DPYSL3: variants seen among roughly 807,000 people sequenced by gnomAD.
DPYSL3 encodes the protein dihydropyrimidinase-related protein 3.
In DPYSL3, 16 loss-of-function variants were observed where a neutral mutation model predicts 66.1. The ratio of observed to expected loss-of-function variants is 0.24; its 90% CI spans 0.16 to 0.37. The LOEUF (loss-of-function observed/expected upper bound fraction) is 0.37, where lower values mean the gene tolerates loss of function less well. Among genes scored for constraint, DPYSL3 ranks in the 10% least tolerant of loss-of-function variants. The pLI is 1.00. For missense variants in DPYSL3, 738 were observed against 916.2 expected (o/e 0.81, Z 2.51); for synonymous variants, 338 against 345.1 (o/e 0.98, Z 0.23).
At chr5:147,480,811 C>T (rs1452996897) in intron 1 of DPYSL3, among the ~76,000 whole-genome samples, 1 of 151,470 alleles carries the variant, frequency 6.6e-6, no homozygotes, top group African/African-American at 2.4e-5. Flanking sequence ...CAACCTCCAC[C>T]TCCCGGGTTT....
intron 1 of DPYSL3, among the ~76,000 whole-genome samples, chr5:147,474,639 T>C (rs1262150272): frequency 1.3e-5 from 2 of 152,068 alleles, no homozygotes; most frequent in African/African-American, 4.8e-5. Context: ...GGAGATTACA[T>C]AGGGTAATGC....
intron 1 of DPYSL3, among the ~76,000 whole-genome samples, chr5:147,449,780 A>G (rs1488205942): frequency 6.6e-6 from 1 of 152,234 alleles, no homozygotes; most frequent in African/African-American, 2.4e-5. Flanking sequence ...GTGCCTAAGT[A>G]TTAGGACCTG....
rs556850472 is a variant in DPYSL3 at position 147,435,956 on chromosome 5, G to A, written c.382-10993C>T. 2.0e-5 allele frequency among the ~76,000 whole-genome samples: 3 copies of A among 152,302 alleles called. No homozygotes were observed. In the South Asian group the frequency reaches 6.2e-4, roughly 32 times the overall value. On this transcript the variant is annotated intron_variant, in intron 1 of 13. Transcript: ENST00000343218. ...GGAGGGAGTGGTTATTGGAAGTGGA[G>A]ACTGTAGCTGTATGGAGAGGGCTGC...
chr5:147,464,292 G>A (rs1193079844), intron 1 of DPYSL3, among the ~76,000 whole-genome samples: 1 of 152,170 alleles, frequency 6.6e-6, no homozygotes, highest in African/African-American at 2.4e-5. Context: ...GAAGAAGCAG[G>A]AGTGATCCCT....
At chr5:147,453,609 G>C in intron 1 of DPYSL3, 1 of 1,529,114 alleles carries the variant, frequency 6.5e-7, no homozygotes, top group African/African-American at 1.4e-5. Context: ...TGGCTGCAGC[G>C]GCTGGCTCCC....
Position 147,487,315 on chromosome 5 carries a change from G to A in DPYSL3, c.381+22163C>T, listed in dbSNP as rs540716055. Among the ~76,000 whole-genome samples, 7 of 152,172 alleles carry A rather than the reference G, an allele frequency of 4.6e-5. No homozygotes were observed. The South Asian group carries it at 1.5e-3, about 32-fold the overall frequency. On this transcript the variant is annotated intron_variant, in intron 1 of 13. Transcript: ENST00000343218. Reference sequence around the variant, plus strand: ...TATCTTGCATTGTTCTTCCTTCAATGTCAGATATGTATTTAATTTTAATTT... The same window carrying A: ...TATCTTGCATTGTTCTTCCTTCAATATCAGATATGTATTTAATTTTAATTT...
intron 7 of DPYSL3, chr5:147,405,992 G>A: frequency 3.3e-6 from 1 of 302,212 alleles, no homozygotes; most frequent in Non-Finnish European, 6.1e-6. Flanking sequence ...GTCTGGCAGA[G>A]GGTAAGTACT....
chr5:147,410,871 A>G (rs1751838099), intron 6 of DPYSL3, among the ~76,000 whole-genome samples: 1 of 152,186 alleles, frequency 6.6e-6, no homozygotes, highest in Non-Finnish European at 1.5e-5. Context: ...TCCAAATGGA[A>G]AAATGCCCCT....
At position 147,415,890 on chromosome 5, in the gene DPYSL3, C is replaced by T. The variant is rs1751957097; in HGVS notation, c.656-17G>A. ...CATGGTCAACTGAATGACAGAGACC[C>T]CAGATGAGTCACTCTCAGACACAGC... On this transcript the variant is annotated splice_polypyrimidine_tract_variant and intron_variant, in intron 3 of 13. Coordinates refer to ENST00000343218, the MANE Select transcript of DPYSL3 (RefSeq NM_001197294.2). The T allele has an allele frequency of 1.9e-6, 3 of 1,611,422 alleles. No individual in the cohort carries two copies. The highest frequency in any genetic ancestry group is 1.3e-5 in the African/African-American group (1 of 74,880).
chr5:147,417,722 T>G (rs1039021615), intron 3 of DPYSL3, among the ~76,000 whole-genome samples: 1 of 152,074 alleles, frequency 6.6e-6, no homozygotes, highest in African/African-American at 2.4e-5. Context: ...CTCCCTAGAT[T>G]TTTTTTGGAA....
chr5:147,445,977 G>T (rs568666039), intron 1 of DPYSL3, among the ~76,000 whole-genome samples: 1 of 152,284 alleles, frequency 6.6e-6, no homozygotes, highest in African/African-American at 2.4e-5. Flanking sequence ...GAAAAAGACT[G>T]GGATTTTAAG....
Position 147,393,040 on chromosome 5 carries a change from T to C in DPYSL3, c.*995A>G, listed in dbSNP as rs1368976287. ...ACTGCCTGTAAGAGAGGCCCTTCAT[T>C]CTGCCTCATCTGAGCTAAAATCCTG... is the stretch of plus-strand genomic sequence containing the variant. On this transcript the variant is annotated 3_prime_UTR_variant, in exon 14 of 14. Transcript: ENST00000343218. 6.6e-6 allele frequency: 1 copy of C among 152,176 alleles called. No homozygotes were observed. The highest frequency in any genetic ancestry group is 1.5e-5 in the Non-Finnish European group (1 of 68,042). 9.4% of individuals were successfully genotyped at this position (152,176 alleles called of 1,614,324 possible). A position where few individuals can be genotyped will look rare whatever the true frequency, so the allele number is the denominator to read the frequency against.
chr5:147,450,399 A>G (rs1448819884), intron 1 of DPYSL3, among the ~76,000 whole-genome samples: 1 of 152,216 alleles, frequency 6.6e-6, no homozygotes, highest in East Asian at 1.9e-4. Flanking sequence ...AACCAGGCCC[A>G]TCGCGAGACA....
chr5:147,459,544 A>G (rs955786343), intron 1 of DPYSL3, among the ~76,000 whole-genome samples: 1 of 152,176 alleles, frequency 6.6e-6, no homozygotes, highest in Non-Finnish European at 1.5e-5. Flanking sequence ...TTAGATGTCT[A>G]CACATTGAAT....
intron 1 of DPYSL3, among the ~76,000 whole-genome samples, chr5:147,440,421 ACT>A (rs1248907697): frequency 6.6e-6 from 1 of 152,110 alleles, no homozygotes; most frequent in Admixed American, 6.5e-5. Context: ...TCTTTGTAAA[ACT>A]CTGACATAGA....
intron 8 of DPYSL3, among the ~76,000 whole-genome samples, chr5:147,402,509 G>A (rs924050394): frequency 4.1e-5 from 6 of 147,978 alleles, no homozygotes; most frequent in South Asian, 2.1e-4. Flanking sequence ...CACCACGCCC[G>A]GCTAATTTTT....
intron 8 of DPYSL3, 27 bp downstream of exon 8, chr5:147,405,583 C>T (rs1758305762): frequency 2.5e-6 from 4 of 1,599,312 alleles, no homozygotes; most frequent in East Asian, 4.5e-5. Context: ...CCATCAGGGG[C>T]TCCGAGATCT....
intron 1 of DPYSL3, among the ~76,000 whole-genome samples, chr5:147,434,127 G>A (rs1421404929): frequency 6.6e-6 from 1 of 151,584 alleles, no homozygotes; most frequent in Non-Finnish European, 1.5e-5. Flanking sequence ...TTGTAATATC[G>A]ATGTACTGTT....
In DPYSL3 at chr5:147,391,419, C is replaced by A. The variant is rs1757795304; in HGVS notation, c.*2616G>T. The A allele has an allele frequency of 6.6e-6, 1 of 152,548 alleles. No individual in the cohort carries two copies. The highest frequency in any genetic ancestry group is 2.1e-4 in the South Asian group (1 of 4,826). 9.4% of individuals were successfully genotyped at this position (152,548 alleles called of 1,614,324 possible). ...CCAAGCCCGTGGCCCTCAGAGAGAA[C>A]CGGGATGGATTGCCATCTGGGTTCA... On this transcript the variant is annotated 3_prime_UTR_variant, in exon 14 of 14. Coordinates refer to ENST00000343218, the MANE Select transcript of DPYSL3 (RefSeq NM_001197294.2).
Sources: allele counts gnomAD v4.1 joint callset (sites outside exome capture counted in the v4.1 genomes callset), GRCh38; gene constraint gnomAD v4.1.1; transcripts MANE v1.5; gene names NCBI Gene and HGNC (gene_info 2026-07-23, HGNC 2026-07-21).